ABCA10: variants seen among roughly 807,000 people sequenced by gnomAD.
ABCA10 encodes the protein ATP binding cassette subfamily A member 10.
A neutral mutation model predicts 187.5 loss-of-function variants in ABCA10; 169 were observed. The ratio of observed to expected loss-of-function variants is 0.90; its 90% confidence interval spans 0.80 to 1.02. The LOEUF (loss-of-function observed/expected upper bound fraction) is 1.02. Ranked by LOEUF, ABCA10 falls within the 50% of genes least tolerant of loss-of-function variation. The pLI is 0.00. For missense variants in ABCA10, 1,727 were observed against 1,812.4 expected (o/e 0.95, Z 0.86); for synonymous variants, 574 against 601.8 (o/e 0.95, Z 0.68).
rs537530923 is a variant in ABCA10 at position 69,155,890 on chromosome 17, G to A, written c.3491C>T (p.Pro1164Leu). ...TTCATCTTCTTCTTCGGGCTCTTCC[G>A]GATTGGGATGAGTTTCTCTACTCCG... ...SPRSRETHPNPEEPEEEDEDV... is the reference protein window; with the variant it reads ...SPRSRETHPNLEEPEEEDEDV... The change falls in exon 29 of 39, where the codon CCG becomes CTG. Residue 1164 changes from proline to leucine, a missense_variant. Coordinates refer to ENST00000690296, the MANE Select transcript of ABCA10 (RefSeq NM_001377321.1). 59 of 1,613,526 alleles carry A rather than the reference G, an allele frequency of 3.7e-5. No individual in the cohort carries two copies. Among genetic ancestry groups the A allele is most frequent in the African/African-American group, 1.5e-4 (11 of 74,988 alleles).
At chr17:69,186,445 C>T (rs1213373626) in intron 19 of ABCA10, among the ~76,000 whole-genome samples, 2 of 152,144 alleles carry the variant, frequency 1.3e-5, no homozygotes, top group African/African-American at 2.4e-5. Context: ...GTCAACATTG[C>T]GATGAATCCA....
At chr17:69,161,630 T>G (rs1001970269) in intron 27 of ABCA10, among the ~76,000 whole-genome samples, 1 of 152,138 alleles carries the variant, frequency 6.6e-6, no homozygotes, top group Non-Finnish European at 1.5e-5. Context: ...GATTTCAAAT[T>G]TGGGGGGCAA....
At position 69,148,886 on chromosome 17, in the gene ABCA10, C is replaced by T; in HGVS notation, c.4573G>A (p.Val1525Ile). 1 of 1,613,748 alleles carries T rather than the reference C, an allele frequency of 6.2e-7. No individual in the cohort carries two copies. The highest frequency in any genetic ancestry group is 8.5e-7 in the Non-Finnish European group (1 of 1,179,840). ...ELCKEQELGN[V>I]DDKIDTTVEW... ...ACTGTTGTATCAATTTTATCATCAA[C>T]ATTTCCCAGCTCCTGCTCTTTACAG... The change falls in exon 39 of 39, where the codon GTT (valine) becomes ATT (isoleucine). Residue 1525 changes from valine to isoleucine, a missense_variant. By Grantham distance (29) the Val-to-Ile change is conservative. Transcript: ENST00000690296.
upstream of ABCA10, among the ~76,000 whole-genome samples, chr17:69,232,129 T>C (rs771378411): frequency 3.3e-5 from 5 of 152,138 alleles, no homozygotes; most frequent in Non-Finnish European, 7.4e-5. Context: ...TATGTGTCTC[T>C]TTACAAGTGT....
In ABCA10 at chr17:69,214,502, G is replaced by A. The variant is rs969336337; in HGVS notation, c.1006+202C>T. 9.7e-5 allele frequency among the ~76,000 whole-genome samples: 12 copies of A among 123,578 alleles called. No individual in the cohort carries two copies. In the South Asian group the frequency reaches 1.3e-3, roughly 14 times the overall value. 81.1% of individuals were successfully genotyped at this position (123,578 alleles called of 152,430 possible). ...TGCACTCCAGCCTGGGCGACAGAGC[G>A]AGACTCCGTCTCAAAAAAAAAAAAA... On this transcript the variant is annotated intron_variant, in intron 9 of 38. Transcript: ENST00000690296.
In ABCA10 at chr17:69,152,429, T is replaced by C. The variant is rs200381330; in HGVS notation, c.4189A>G (p.Thr1397Ala). 6.2e-7 allele frequency: 1 copy of C among 1,613,908 alleles called. No homozygotes were observed. The highest frequency in any genetic ancestry group is 2.2e-5 in the East Asian group (1 of 44,844). The change falls in exon 35 of 39, where the codon ACC (threonine) becomes GCC (alanine). Residue 1397 changes from threonine to alanine, a missense_variant. By Grantham distance (58) the Thr-to-Ala change is moderately conservative (BLOSUM62 0). Coordinates refer to ENST00000690296, the MANE Select transcript of ABCA10 (RefSeq NM_001377321.1). ...KNKERGTLLT[T>A]HYMSEAEAVC... ...GCCTCAGCCTCTGACATGTAATGGG[T>C]GGTCAAGAGGGTGCCCCTCTCCTTG...
intron 23 of ABCA10, 61 bp from the exon 24 acceptor site, chr17:69,174,838 G>T: frequency 7.2e-7 from 1 of 1,383,042 alleles, no homozygotes; most frequent in Middle Eastern, 2.0e-4. Context: ...TTGTGGTTAT[G>T]TAAAAAAAAT....
chr17:69,154,966 A>C, intron 30 of ABCA10, 53 bp downstream of exon 30: 5 of 1,351,908 alleles, frequency 3.7e-6, no homozygotes, highest in Non-Finnish European at 5.1e-6. Flanking sequence ...GTAGTCTTAA[A>C]TCTAGAGAAT....
chr17:69,202,363 T>A (rs2074552515), intron 9 of ABCA10, among the ~76,000 whole-genome samples: 1 of 152,172 alleles, frequency 6.6e-6, no homozygotes, highest in South Asian at 2.1e-4. Context: ...AGTGAGTATA[T>A]AATTCACTGT....
intron 1 of ABCA10, among the ~76,000 whole-genome samples, chr17:69,240,471 C>A (rs966414556): frequency 2.0e-5 from 3 of 152,152 alleles, no homozygotes; most frequent in Non-Finnish European, 4.4e-5. Flanking sequence ...TCCACAGGAG[C>A]CTGAACAATG....
At chr17:69,196,270 C>G in intron 11 of ABCA10, 1 of 167,926 alleles carries the variant, frequency 6.0e-6, no homozygotes, top group Non-Finnish European at 1.3e-5. Context: ...GGCTGCCGGG[C>G]AGAGGGGCTC....
Position 69,153,963 on chromosome 17 carries a change from T to C in ABCA10, c.3833A>G (p.Asn1278Ser). ...GCAGTACCCCAAGAACTTGAGGCTGTTGTCATGCTGTTGCCTTACTGATGC... is the reference window on the plus strand; with the variant it reads ...GCAGTACCCCAAGAACTTGAGGCTGCTGTCATGCTGTTGCCTTACTGATGC... ...SRASVRQQHDNSLKFLGYCPQ... is the reference protein window; with the variant it reads ...SRASVRQQHDSSLKFLGYCPQ... The change falls in exon 32 of 39, where the codon AAC becomes AGC. Residue 1278 changes from asparagine (N) to serine (S), a missense_variant. Asn to Ser is a conservative substitution (Grantham distance 46). Coordinates refer to ENST00000690296, the MANE Select transcript of ABCA10 (RefSeq NM_001377321.1). 1.2e-6 allele frequency: 2 copies of C among 1,614,078 alleles called. No homozygotes were observed. Among genetic ancestry groups the C allele is most frequent in the Non-Finnish European group, 1.7e-6 (2 of 1,179,974 alleles).
At chr17:69,235,004 A>T (rs1343081010) in intron 1 of ABCA10, 1 of 152,202 alleles carries the variant, frequency 6.6e-6, no homozygotes, top group East Asian at 1.9e-4. Context: ...AAATTAACTA[A>T]TTTTTCTGAA....
chr17:69,177,995 A>ATATATATATATATATATATGT lies in ABCA10; in HGVS notation c.2770-2483_2770-2482insACATATATATATATATATATA, dbSNP rs1555659760. Among the ~76,000 whole-genome samples, 348 of 112,516 alleles carry ATATATATATATATATATATGT rather than the reference A, an allele frequency of 3.1e-3. 9 individuals are homozygous for ATATATATATATATATATATGT. The highest frequency in any genetic ancestry group is 5.0e-3 in the Non-Finnish European group (247 of 49,468). 73.8% of individuals were successfully genotyped at this position (112,516 alleles called of 152,430 possible). On this transcript the variant is annotated intron_variant, in intron 22 of 38. Coordinates refer to ENST00000690296, the MANE Select transcript of ABCA10 (RefSeq NM_001377321.1). ...AAAAATATATATATATATATATGTT[A>ATATATATATATATATATATGT]TATATATATATAGTGAAATAATAAT... is the stretch of plus-strand genomic sequence containing the variant.
intron 5 of ABCA10, among the ~76,000 whole-genome samples, chr17:69,221,169 A>C (rs1442820145): frequency 6.6e-6 from 1 of 152,120 alleles, no homozygotes; most frequent in African/African-American, 2.4e-5. Flanking sequence ...TGGAGAAGGG[A>C]AATCAGGTGA....
chr17:69,174,476 A>G (rs545724501), intron 24 of ABCA10, 82 bp from the exon 25 acceptor site: 1 of 1,452,520 alleles, frequency 6.9e-7, no homozygotes, highest in South Asian at 1.3e-5. Flanking sequence ...CAGGTCATAA[A>G]GCTGCCTAAG....
chr17:69,216,176 T>C (rs1023641712), intron 7 of ABCA10, 41 bp downstream of exon 7: 1 of 1,578,568 alleles, frequency 6.3e-7, no homozygotes, highest in Non-Finnish European at 8.6e-7. Context: ...GTATCTGTAA[T>C]CTGAAACAGG....
intron 19 of ABCA10, among the ~76,000 whole-genome samples, chr17:69,186,636 A>G (rs2074424003): frequency 6.6e-6 from 1 of 152,150 alleles, no homozygotes; most frequent in Admixed American, 6.6e-5. Flanking sequence ...GCCAAATCCA[A>G]TGGATGCTTT....
chr17:69,175,189 T>C (rs2074325338), intron 23 of ABCA10, among the ~76,000 whole-genome samples: 1 of 152,144 alleles, frequency 6.6e-6, no homozygotes, highest in Non-Finnish European at 1.5e-5. Context: ...TTAGCATGAT[T>C]TCCCTTACAG....
Sources: gnomAD v4.1 joint callset for allele counts (sites outside exome capture counted in the v4.1 genomes callset) on GRCh38, gnomAD v4.1.1 for gene constraint, MANE v1.5 for transcripts, NCBI Gene and HGNC (gene_info 2026-07-23, HGNC 2026-07-21) for gene names.